ATF2: variants seen among roughly 807,000 people sequenced by gnomAD.
The protein encoded by ATF2 is activating transcription factor 2, also known as cyclic AMP-dependent transcription factor ATF-2.
Under a neutral mutation model 60.6 loss-of-function variants are expected in ATF2, and 24 were observed. That is an observed-to-expected ratio of 0.40 (90% CI 0.29 to 0.56). The LOEUF (loss-of-function observed/expected upper bound fraction) is 0.56. Among genes scored for constraint, ATF2 ranks in the 20% least tolerant of loss-of-function variants. The probability of loss-of-function intolerance (pLI) is 0.54; values close to 1 mark genes in which losing one functional copy is unlikely to be tolerated. For missense variants in ATF2, 433 were observed against 607.7 expected (o/e 0.71, Z 3.02); for synonymous variants, 206 against 215.4 (o/e 0.96, Z 0.38).
At chr2:175,137,225 A>C (rs1698199902) in intron 2 of ATF2, among the ~76,000 whole-genome samples, 1 of 152,172 alleles carries the variant, frequency 6.6e-6, no homozygotes, top group Non-Finnish European at 1.5e-5. Flanking sequence ...AGAGTCCTGG[A>C]GTAAAGGTGG....
chr2:175,145,886 T>TA (rs1484046993), intron 2 of ATF2, among the ~76,000 whole-genome samples: 2 of 152,148 alleles, frequency 1.3e-5, no homozygotes, highest in Non-Finnish European at 2.9e-5. Flanking sequence ...CCCATACTGA[T>TA]ATAAAGGAAT....
chr2:175,164,351 T>C lies in ATF2; in HGVS notation c.-143+3699A>G, dbSNP rs532202621. Among the ~76,000 whole-genome samples, 15 of 152,214 alleles carry C rather than the reference T, an allele frequency of 9.9e-5. No individual in the cohort carries two copies. The South Asian group carries it at 3.1e-3, about 32-fold the overall frequency. On this transcript the variant is annotated intron_variant, in intron 1 of 13. Coordinates refer to ENST00000264110, the MANE Select transcript of ATF2 (RefSeq NM_001880.4). ...GAAGTCGAGATCAGCCTGGCCAACATGGTGAAACCCCATCTCTACTAAAAA... is the reference window on the plus strand; with the variant it reads ...GAAGTCGAGATCAGCCTGGCCAACACGGTGAAACCCCATCTCTACTAAAAA...
chr2:175,157,218 C>T (rs1329038778), intron 1 of ATF2, among the ~76,000 whole-genome samples: 1 of 152,114 alleles, frequency 6.6e-6, no homozygotes, highest in Non-Finnish European at 1.5e-5. Flanking sequence ...CTCTGAAATC[C>T]ACTTTGTGCA....
At chr2:175,141,027 A>T (rs1372744477) in intron 2 of ATF2, among the ~76,000 whole-genome samples, 1 of 102,988 alleles carries the variant, frequency 9.7e-6, no homozygotes, top group African/African-American at 3.7e-5. Flanking sequence ...AAAAAAAAAA[A>T]AAAATATATA....
At chr2:175,164,893 G>A (rs1169184230) in intron 1 of ATF2, among the ~76,000 whole-genome samples, 2 of 152,228 alleles carry the variant, frequency 1.3e-5, no homozygotes, top group Non-Finnish European at 2.9e-5. Context: ...GTCTCATTCT[G>A]TTGCCCAGGC....
At chr2:175,162,864 T>A (rs1452165662) in intron 1 of ATF2, among the ~76,000 whole-genome samples, 1 of 152,184 alleles carries the variant, frequency 6.6e-6, no homozygotes, top group Non-Finnish European at 1.5e-5. Flanking sequence ...CTGGGTGCAG[T>A]GGCTCATGCC....
At chr2:175,139,765 A>C (rs1698380794) in intron 2 of ATF2, among the ~76,000 whole-genome samples, 1 of 152,190 alleles carries the variant, frequency 6.6e-6, no homozygotes, top group Admixed American at 6.5e-5. Context: ...TATTAAAGAG[A>C]CAGACCAGTA....
chr2:175,128,681 G>GA (rs1697520523), intron 4 of ATF2, among the ~76,000 whole-genome samples: 1 of 151,732 alleles, frequency 6.6e-6, no homozygotes, highest in Non-Finnish European at 1.5e-5. Flanking sequence ...ACCATAAGAG[G>GA]AAAAAAATTA....
In ATF2 at chr2:175,156,661, C is replaced by A. The variant is rs1699708109; in HGVS notation, c.-142-5503G>T. ...AAGAGGGACACAAAGAAAGGAAAGA[C>A]CTACTGAATTCAGCCAACCACCTGA... On this transcript the variant is annotated intron_variant, in intron 1 of 13. Transcript: ENST00000264110. 1.3e-5 allele frequency among the ~76,000 whole-genome samples: 2 copies of A among 152,138 alleles called. 1 individual carries two copies. The highest frequency in any genetic ancestry group is 4.1e-4 in the South Asian group (2 of 4,830).
chr2:175,110,251 C>T (rs183020392), intron 10 of ATF2, among the ~76,000 whole-genome samples: 2,637 of 152,246 alleles, frequency 0.017, 55 homozygotes, highest in Admixed American at 0.052. Context: ...AGGAGAATTG[C>T]TTGAACCCAG....
At chr2:175,076,794 T>G (rs1189555180) in intron 13 of ATF2, among the ~76,000 whole-genome samples, 1 of 152,118 alleles carries the variant, frequency 6.6e-6, no homozygotes, top group Non-Finnish European at 1.5e-5. Context: ...TTTTTTATTT[T>G]TATCACTTTT....
At chr2:175,129,034 A>G (rs1209195025) in intron 4 of ATF2, among the ~76,000 whole-genome samples, 1 of 152,310 alleles carries the variant, frequency 6.6e-6, no homozygotes, top group South Asian at 2.1e-4. Context: ...GTGTCCATAA[A>G]AAGACTTGTA....
At position 175,109,374 on chromosome 2, in the gene ATF2, G is replaced by C. The variant is rs145952849; in HGVS notation, c.828+2194C>G. ...GATAAATCTGAGACATGCTGAGCTG[G>C]ACATAAGAGTATAAAGTGGCTATTT... is the stretch of plus-strand genomic sequence containing the variant. On this transcript the variant is annotated intron_variant, in intron 10 of 13. Coordinates refer to ENST00000264110, the MANE Select transcript of ATF2 (RefSeq NM_001880.4). 5.8e-3 allele frequency among the ~76,000 whole-genome samples: 879 copies of C among 152,172 alleles called. 2 individuals are homozygous for C. Among genetic ancestry groups the C allele is most frequent in the Non-Finnish European group, 9.6e-3 (654 of 67,990 alleles).
At chr2:175,134,617 G>A (rs1574451495) in intron 3 of ATF2, among the ~76,000 whole-genome samples, 1 of 151,298 alleles carries the variant, frequency 6.6e-6, no homozygotes, top group African/African-American at 2.4e-5. Flanking sequence ...TGTATTTCCA[G>A]TAACCAAAGA....
At chr2:175,077,104 A>T (rs930932804) in intron 13 of ATF2, among the ~76,000 whole-genome samples, 2 of 151,916 alleles carry the variant, frequency 1.3e-5, no homozygotes, top group Non-Finnish European at 2.9e-5. Context: ...AGCTTCATCC[A>T]TGTCCCTACA....
intron 2 of ATF2, among the ~76,000 whole-genome samples, 172 bp downstream of exon 2, chr2:175,150,887 AT>A (rs1699270471): frequency 6.6e-6 from 1 of 152,142 alleles, no homozygotes; most frequent in South Asian, 2.1e-4. Flanking sequence ...TCCAAAAGAC[AT>A]TTCCAAATTT....
chr2:175,141,030 A>AATATATATATATATAT (rs1553513531), intron 2 of ATF2, among the ~76,000 whole-genome samples: 30 of 37,614 alleles, frequency 8.0e-4, no homozygotes, highest in African/African-American at 3.1e-3. Flanking sequence ...AAAAAAAAAA[A>AATATATATATATATAT]ATATATATAT....
chr2:175,139,231 T>C (rs549638711), intron 2 of ATF2, among the ~76,000 whole-genome samples: 1 of 152,282 alleles, frequency 6.6e-6, no homozygotes, highest in Non-Finnish European at 1.5e-5. Context: ...AATTGTTAAA[T>C]TGTTAAAAGA....
chr2:175,143,109 A>G (rs1165074858), intron 2 of ATF2, among the ~76,000 whole-genome samples: 2 of 152,198 alleles, frequency 1.3e-5, no homozygotes, highest in Non-Finnish European at 2.9e-5. Context: ...AGGCATTATA[A>G]GGAACTTTAA....
Sources: allele counts gnomAD v4.1 joint callset (sites outside exome capture counted in the v4.1 genomes callset), GRCh38; gene constraint gnomAD v4.1.1; transcripts MANE v1.5; gene names NCBI Gene and HGNC (gene_info 2026-07-23, HGNC 2026-07-21).